ADCY1: variants seen among roughly 807,000 people sequenced by gnomAD.
The protein encoded by ADCY1 is adenylate cyclase type 1.
In ADCY1, 28 loss-of-function variants were observed where a neutral mutation model predicts 105.4. The ratio of observed to expected loss-of-function variants is 0.27; its 90% confidence interval spans 0.20 to 0.36. The LOEUF (loss-of-function observed/expected upper bound fraction) is 0.36. Among genes scored for constraint, ADCY1 ranks in the 10% least tolerant of loss-of-function variants. The pLI is 1.00. For missense variants in ADCY1, 977 were observed against 1,434.2 expected, an observed-to-expected ratio of 0.68 and a Z score of 5.15; for synonymous variants, 655 against 623.8, an observed-to-expected ratio of 1.05 and a Z score of -0.75.
intron 4 of ADCY1, among the ~76,000 whole-genome samples, chr7:45,626,133 C>T (rs769181695): frequency 4.6e-5 from 7 of 152,200 alleles, no homozygotes; most frequent in Non-Finnish European, 1.0e-4. Flanking sequence ...CTGTGGGTTA[C>T]GTATCGTTTC....
intron 4 of ADCY1, among the ~76,000 whole-genome samples, chr7:45,633,636 T>C (rs1260990814): frequency 1.3e-5 from 2 of 152,036 alleles, no homozygotes; most frequent in Non-Finnish European, 2.9e-5. Flanking sequence ...ACCCCGTCTC[T>C]ACTAAAAGTA....
chr7:45,659,118 C>T (rs548036387), intron 6 of ADCY1, among the ~76,000 whole-genome samples: 1 of 152,214 alleles, frequency 6.6e-6, no homozygotes, highest in African/African-American at 2.4e-5. Flanking sequence ...CTTCTCCCAC[C>T]CCCTGCTCCT....
intron 4 of ADCY1, among the ~76,000 whole-genome samples, chr7:45,628,387 A>G (rs1164296782): frequency 6.6e-6 from 1 of 152,192 alleles, no homozygotes; most frequent in Non-Finnish European, 1.5e-5. Context: ...TAGCCCCTCC[A>G]GACCCCTGCA....
intron 14 of ADCY1, among the ~76,000 whole-genome samples, chr7:45,694,186 A>G (rs1784837958): frequency 6.6e-6 from 1 of 152,054 alleles, no homozygotes; most frequent in Non-Finnish European, 1.5e-5. Context: ...CACACTATCC[A>G]ACAGCAACAG....
chr7:45,587,645 GT>G (rs1792771043), intron 1 of ADCY1, among the ~76,000 whole-genome samples: 1 of 152,146 alleles, frequency 6.6e-6, no homozygotes, highest in South Asian at 2.1e-4. Context: ...GACGTCTTGG[GT>G]TGGGGGAGGG....
At chr7:45,625,950 A>T (rs563542694) in intron 4 of ADCY1, among the ~76,000 whole-genome samples, 2 of 152,198 alleles carry the variant, frequency 1.3e-5, no homozygotes, top group Non-Finnish European at 2.9e-5. Flanking sequence ...CCCAGTGACC[A>T]TGCAGGATTG....
chr7:45,593,014 C>G, intron 2 of ADCY1, 106 bp downstream of exon 2: 3 of 1,444,654 alleles, frequency 2.1e-6, no homozygotes, highest in Non-Finnish European at 1.9e-6. Flanking sequence ...ACATGGGCCA[C>G]AATTCCCATT....
chr7:45,690,499 T>G (rs1171096021), intron 14 of ADCY1, among the ~76,000 whole-genome samples: 1 of 152,206 alleles, frequency 6.6e-6, no homozygotes, highest in East Asian at 1.9e-4. Flanking sequence ...CTCTCCTCCC[T>G]CGCTACTGGC....
At chr7:45,632,124 A>G (rs1358600456) in intron 4 of ADCY1, among the ~76,000 whole-genome samples, 1 of 152,196 alleles carries the variant, frequency 6.6e-6, no homozygotes, top group Admixed American at 6.5e-5. Flanking sequence ...TCACTTGTCC[A>G]TATGTAGTTG....
rs1794901861 is a variant in ADCY1, at chr7:45,655,058, TC to T, written c.1149-2668del. Among the ~76,000 whole-genome samples, 3 of 152,330 alleles carry T rather than the reference TC, an allele frequency of 2.0e-5. No homozygotes were observed. The South Asian group carries it at 6.2e-4, about 32-fold the overall frequency. On this transcript the variant is annotated intron_variant, in intron 5 of 19. Coordinates refer to ENST00000297323, the MANE Select transcript of ADCY1 (RefSeq NM_021116.4). ...AATCGGCCTCTATGGTGTCCTCTCT[TC>T]TCTTTTTTTCCCCCTGTTATGTGCA...
intron 14 of ADCY1, among the ~76,000 whole-genome samples, chr7:45,690,863 C>G (rs1784774520): frequency 1.3e-5 from 2 of 152,236 alleles, no homozygotes; most frequent in Non-Finnish European, 2.9e-5. Context: ...GCTGGCCTCT[C>G]TGGGTTCAGA....
chr7:45,637,158 G>A (rs1240811326), intron 4 of ADCY1, among the ~76,000 whole-genome samples: 1 of 152,132 alleles, frequency 6.6e-6, no homozygotes, highest in African/African-American at 2.4e-5. Context: ...ACTTTTAGCA[G>A]TCTACCATCA....
chr7:45,610,069 T>C (rs543887078), intron 2 of ADCY1, among the ~76,000 whole-genome samples: 2 of 152,234 alleles, frequency 1.3e-5, no homozygotes, highest in Non-Finnish European at 1.5e-5. Flanking sequence ...AGAAGCCAGG[T>C]TGGGGCCCTG....
At chr7:45,606,229 G>A (rs940270577) in intron 2 of ADCY1, among the ~76,000 whole-genome samples, 3 of 151,866 alleles carry the variant, frequency 2.0e-5, no homozygotes, top group African/African-American at 7.3e-5. Context: ...GGAAGGCTTG[G>A]CTCACTCTGG....
intron 8 of ADCY1, among the ~76,000 whole-genome samples, chr7:45,674,990 T>C (rs1275914049): frequency 2.0e-5 from 3 of 152,216 alleles, no homozygotes; most frequent in Admixed American, 1.3e-4. Flanking sequence ...TGTTAAATCA[T>C]TTATTACAGC....
chr7:45,626,880 G>T (rs930076352), intron 4 of ADCY1, among the ~76,000 whole-genome samples: 11 of 152,174 alleles, frequency 7.2e-5, no homozygotes, highest in Non-Finnish European at 1.5e-4. Flanking sequence ...GCCTTGGGGT[G>T]CAGAGGGCTG....
At chr7:45,589,909 G>A (rs1562676079) in intron 1 of ADCY1, among the ~76,000 whole-genome samples, 1 of 152,114 alleles carries the variant, frequency 6.6e-6, no homozygotes, top group Non-Finnish European at 1.5e-5. Context: ...GGTTTCACTG[G>A]TGACAGTGCC....
intron 14 of ADCY1, among the ~76,000 whole-genome samples, chr7:45,699,741 G>A (rs547314445): frequency 4.6e-5 from 7 of 152,264 alleles, no homozygotes; most frequent in Admixed American, 2.0e-4. Flanking sequence ...CTGGTACTCT[G>A]AGGTCGGGCT....
intron 18 of ADCY1, among the ~76,000 whole-genome samples, chr7:45,709,918 G>A (rs1169148411): frequency 6.6e-6 from 1 of 152,182 alleles, no homozygotes; most frequent in Admixed American, 6.5e-5. Flanking sequence ...CTCAAGTTCG[G>A]GTGTGCCTGG....
Sources: gnomAD v4.1 joint callset for allele counts (sites outside exome capture counted in the v4.1 genomes callset) on GRCh38, gnomAD v4.1.1 for gene constraint, MANE v1.5 for transcripts, NCBI Gene and HGNC (gene_info 2026-07-23, HGNC 2026-07-21) for gene names.